The following DMD variants were observed in gnomAD, a reference collection of about 807,000 sequenced individuals.
DMD encodes the protein dystrophin.
In DMD, 63 loss-of-function variants were observed where a neutral mutation model predicts 330.1. The ratio of observed to expected loss-of-function variants is 0.19; its 90% CI spans 0.16 to 0.24. DMD has a LOEUF of 0.24. Ranked by LOEUF, DMD falls within the 10% of genes least tolerant of loss-of-function variation. DMD has a pLI of 1.00. For missense variants in DMD, 3,344 were observed against 2,684.1 expected, an observed-to-expected ratio of 1.25 and a Z score of -5.43; for synonymous variants, 1,223 against 959.8, an observed-to-expected ratio of 1.27 and a Z score of -5.07.
At chrX:32,852,227 A>T (rs2081193785) in intron 2 of DMD, among the ~76,000 whole-genome samples, 1 of 111,599 alleles carries the variant, frequency 9.0e-6, no homozygotes, top group Admixed American at 9.5e-5. Context: ...CATCAGGCAG[A>T]GTCCTGAGAC....
chrX:32,502,024 T>C (rs72468685), intron 18 of DMD, among the ~76,000 whole-genome samples, 182 bp from the exon 19 acceptor site: 7 of 112,171 alleles, frequency 6.2e-5, no homozygotes, highest in Non-Finnish European at 1.1e-4. Context: ...AATAAAAGCA[T>C]GAGCCATTTT....
chrX:32,631,680 A>C (rs5927090), intron 11 of DMD, among the ~76,000 whole-genome samples: 33,138 of 110,138 alleles, frequency 0.3, 6,458 homozygotes, highest in African/African-American at 0.72. Flanking sequence ...ACGGCCAGGG[A>C]AGAGGTGAGT....
chrX:31,594,924 A>G (rs1009822401), intron 55 of DMD, among the ~76,000 whole-genome samples: 1 of 111,557 alleles, frequency 9.0e-6, no homozygotes, highest in African/African-American at 3.2e-5. Flanking sequence ...TGCACGGTGG[A>G]AGAGTTTTTA....
intron 47 of DMD, among the ~76,000 whole-genome samples, chrX:31,914,231 G>A (rs1396661775): frequency 9.0e-6 from 1 of 111,535 alleles, no homozygotes; most frequent in African/African-American, 3.3e-5. Context: ...CTGTCTTTGT[G>A]CCTGGGCTGG....
At chrX:32,124,977 A>C (rs1474142823) in intron 44 of DMD, among the ~76,000 whole-genome samples, 2 of 110,174 alleles carry the variant, frequency 1.8e-5, no homozygotes, top group Admixed American at 9.8e-5. Flanking sequence ...AAAAAAAAAA[A>C]AACAAAGTTA....
At chrX:32,628,949 A>G (rs951738158) in intron 11 of DMD, among the ~76,000 whole-genome samples, 5 of 112,165 alleles carry the variant, frequency 4.5e-5, no homozygotes, top group African/African-American at 1.6e-4. Context: ...CTTGTCCTTG[A>G]AAATTATCCA....
chrX:31,729,163 A>G (rs769835044), intron 52 of DMD, among the ~76,000 whole-genome samples: 6 of 111,872 alleles, frequency 5.4e-5, no homozygotes, highest in Non-Finnish European at 7.5e-5. Flanking sequence ...ATGATTTTTG[A>G]TATTACAAAA....
chrX:31,512,065 T>A (rs1160695551), intron 55 of DMD, among the ~76,000 whole-genome samples: 1 of 110,165 alleles, frequency 9.1e-6, no homozygotes. Context: ...GGTTTTGATT[T>A]GCATTTCTCT....
chrX:31,272,679 G>GTCTCT (rs745338972), intron 62 of DMD, among the ~76,000 whole-genome samples: 1 of 112,245 alleles, frequency 8.9e-6, no homozygotes, highest in Non-Finnish European at 1.9e-5. Context: ...GGAAGTCTGC[G>GTCTCT]TCTCTTCTCA....
At chrX:32,650,281 A>G (rs1024907819) in intron 9 of DMD, among the ~76,000 whole-genome samples, 3 of 111,833 alleles carry the variant, frequency 2.7e-5, no homozygotes, top group African/African-American at 9.8e-5. Flanking sequence ...GATCAAAAAC[A>G]GTTTTATTGG....
At chrX:33,240,217 C>T (rs2052565279) in intron 1 of DMD, among the ~76,000 whole-genome samples, 1 of 111,327 alleles carries the variant, frequency 9.0e-6, no homozygotes, top group Non-Finnish European at 1.9e-5. Context: ...TCTTCATAAT[C>T]CTCCCTCTCT....
In DMD at chrX:31,425,774, T is replaced by C. The variant is rs146527214; in HGVS notation, c.9084+18707A>G. On this transcript the variant is annotated intron_variant, in intron 60 of 78. Coordinates refer to ENST00000357033, the MANE Select transcript of DMD (RefSeq NM_004006.3). ...TGCCTTGGTTATTGTTGTCTGCGGA[T>C]ATGTTGCTTGGCGCAGTGGGAAGCC... is the stretch of plus-strand genomic sequence containing the variant. 7.3e-3 allele frequency among the ~76,000 whole-genome samples: 786 copies of C among 108,246 alleles called. 6 individuals are homozygous for C. Among genetic ancestry groups the C allele is most frequent in the African/African-American group, 0.026 (742 of 28,502 alleles). The allele number at this position is 108,246 out of a possible 115,157, so 94.0% of individuals were successfully genotyped here. A position where few individuals can be genotyped will look rare whatever the true frequency, so the allele number is the denominator to read the frequency against.
At chrX:32,984,928 G>A (rs1468113002) in intron 2 of DMD, among the ~76,000 whole-genome samples, 1 of 111,131 alleles carries the variant, frequency 9.0e-6, no homozygotes, top group Admixed American at 9.6e-5. Context: ...GCAGCTTCAG[G>A]TCTTCCACTA....
intron 11 of DMD, among the ~76,000 whole-genome samples, chrX:32,641,249 C>CT (rs1309318506): frequency 1.2e-4 from 13 of 109,676 alleles, no homozygotes; most frequent in African/African-American, 3.0e-4. Flanking sequence ...TTCTTGTGTT[C>CT]TTTTTTTTCT....
At chrX:31,561,217 T>G (rs891825445) in intron 55 of DMD, among the ~76,000 whole-genome samples, 4 of 112,013 alleles carry the variant, frequency 3.6e-5, no homozygotes, top group African/African-American at 1.3e-4. Context: ...TTTCTCCAGA[T>G]TGAGGGCAAA....
intron 50 of DMD, among the ~76,000 whole-genome samples, chrX:31,801,830 A>G (rs1383521014): frequency 9.0e-6 from 1 of 111,456 alleles, no homozygotes; most frequent in Non-Finnish European, 1.9e-5. Flanking sequence ...ACAAATAAAT[A>G]TAAGATTTGG....
intron 2 of DMD, among the ~76,000 whole-genome samples, chrX:32,862,034 T>G (rs1365320769): frequency 8.9e-6 from 1 of 111,806 alleles, no homozygotes; most frequent in Non-Finnish European, 1.9e-5. Flanking sequence ...AATAGTGATA[T>G]CAAAATACTG....
chrX:32,827,754 G>C (rs781045520), intron 4 of DMD, among the ~76,000 whole-genome samples: 2 of 106,341 alleles, frequency 1.9e-5, no homozygotes, highest in Non-Finnish European at 3.9e-5. Context: ...TCCGCCTCCC[G>C]AGTTTCAAGC....
In DMD at chrX:31,616,420, A is replaced by G. The variant is rs1012495610; in HGVS notation, c.8217+11253T>C. Among the ~76,000 whole-genome samples the G allele has an allele frequency of 3.6e-5, 4 of 111,828 alleles. No individual in the cohort carries two copies. The Admixed American group carries it at 3.8e-4, about 11-fold the overall frequency. On this transcript the variant is annotated intron_variant, in intron 55 of 78. Coordinates refer to ENST00000357033, the MANE Select transcript of DMD (RefSeq NM_004006.3). ...TCATTTTAGTAGGAGTTGAAGGTGC[A>G]TTGAGAGGTAAAATAAGAAATAAGA... is the stretch of plus-strand genomic sequence containing the variant.
Sources: gnomAD v4.1 joint callset for allele counts (sites outside exome capture counted in the v4.1 genomes callset) on GRCh38, gnomAD v4.1.1 for gene constraint, MANE v1.5 for transcripts, NCBI Gene and HGNC (gene_info 2026-07-23, HGNC 2026-07-21) for gene names.